SLC39A11: variants seen among roughly 807,000 people sequenced by gnomAD.
The protein encoded by SLC39A11 is zinc transporter ZIP11.
Under a neutral mutation model 36.1 loss-of-function variants are expected in SLC39A11, and 33 were observed. The ratio of observed to expected loss-of-function variants is 0.91; its 90% CI spans 0.69 to 1.22. The LOEUF is 1.22. SLC39A11 is among the 50% of genes most tolerant of loss of function. The pLI is 0.00. For synonymous variants in SLC39A11, 166 were observed against 170.3 expected (o/e 0.97, Z 0.20); for missense variants, 432 against 430.3 (o/e 1.00, Z -0.03).
At chr17:72,878,909 T>C (rs2081053316) in intron 5 of SLC39A11, among the ~76,000 whole-genome samples, 1 of 152,274 alleles carries the variant, frequency 6.6e-6, no homozygotes, top group African/African-American at 2.4e-5. Context: ...TGCTTCTGAC[T>C]GATCCACTAT....
At chr17:72,971,201 G>T (rs1055620132) in intron 4 of SLC39A11, among the ~76,000 whole-genome samples, 3 of 152,052 alleles carry the variant, frequency 2.0e-5, no homozygotes, top group African/African-American at 7.3e-5. Flanking sequence ...GATAGATTTG[G>T]GAACGGTTGA....
chr17:73,036,886 TCATCCCTCC>T (rs1312538732), intron 3 of SLC39A11, among the ~76,000 whole-genome samples: 1 of 152,216 alleles, frequency 6.6e-6, no homozygotes, highest in Non-Finnish European at 1.5e-5. Flanking sequence ...ACCTATTTAT[TCATCCCTCC>T]TTCCCCGCTA....
chr17:72,804,142 C>T (rs372820146), intron 6 of SLC39A11, among the ~76,000 whole-genome samples: 1 of 152,102 alleles, frequency 6.6e-6, no homozygotes, highest in East Asian at 1.9e-4. Context: ...ACTACAGGCG[C>T]CCGCCACCAC....
chr17:72,751,517 A>T (rs372495134), intron 6 of SLC39A11, among the ~76,000 whole-genome samples: 1 of 152,218 alleles, frequency 6.6e-6, no homozygotes. Flanking sequence ...TTTTAAGTGT[A>T]CATTCATTGG....
intron 6 of SLC39A11, among the ~76,000 whole-genome samples, chr17:72,773,680 C>CACAT (rs879349280): frequency 0.014 from 2,117 of 150,134 alleles, 91 homozygotes; most frequent in African/African-American, 0.05. Flanking sequence ...CACACACACC[C>CACAT]AGTATATAAA....
intron 4 of SLC39A11, among the ~76,000 whole-genome samples, chr17:73,020,658 TG>T (rs939675879): frequency 1.3e-5 from 2 of 149,332 alleles, no homozygotes; most frequent in African/African-American, 2.5e-5. Context: ...TTTGGGTTTT[TG>T]GGGGGTCTTT....
At chr17:72,998,732 C>T (rs1034619193) in intron 4 of SLC39A11, among the ~76,000 whole-genome samples, 3 of 152,200 alleles carry the variant, frequency 2.0e-5, no homozygotes, top group Non-Finnish European at 4.4e-5. Flanking sequence ...CTTTGGGGTA[C>T]ACCTTGCAGT....
chr17:72,873,343 A>G (rs908838815), intron 5 of SLC39A11, among the ~76,000 whole-genome samples: 1 of 152,166 alleles, frequency 6.6e-6, no homozygotes, highest in Non-Finnish European at 1.5e-5. Flanking sequence ...TTCATCCCTG[A>G]GCCAACTAAT....
In SLC39A11 at chr17:72,665,389, G is replaced by GTTTTTT. The variant is rs780329919; in HGVS notation, c.672-16127_672-16122dup. On this transcript the variant is annotated intron_variant, in intron 7 of 9. Coordinates refer to ENST00000255559, the MANE Select transcript of SLC39A11 (RefSeq NM_139177.4). ...GGTTTAAGCCACCAAGTTTTGAGGT[G>GTTTTTT]TTTTTTTTTTTTTTTTTTTTTGAGA... is the stretch of plus-strand genomic sequence containing the variant. Among the ~76,000 whole-genome samples the GTTTTTT allele has an allele frequency of 6.3e-3, 482 of 76,530 alleles. 55 individuals carry two copies. Among genetic ancestry groups the GTTTTTT allele is most frequent in the African/African-American group, 0.018 (341 of 18,788 alleles). The allele number at this position is 76,530 out of a possible 152,430, so 50.2% of individuals were successfully genotyped here. A position where few individuals can be genotyped will look rare whatever the true frequency, so the allele number is the denominator to read the frequency against.
At chr17:72,960,706 A>T (rs925454622) in intron 4 of SLC39A11, among the ~76,000 whole-genome samples, 1 of 152,094 alleles carries the variant, frequency 6.6e-6, no homozygotes. Flanking sequence ...GGTCCCAGCT[A>T]CTAGGGAGGC....
intron 7 of SLC39A11, among the ~76,000 whole-genome samples, chr17:72,682,167 T>G (rs1270446020): frequency 1.3e-5 from 2 of 150,318 alleles, no homozygotes; most frequent in Non-Finnish European, 2.9e-5. Context: ...GACGGTCTAG[T>G]TGCAGGAAAA....
chr17:72,781,256 T>C lies in SLC39A11; in HGVS notation c.602-44537A>G, dbSNP rs578134091. Among the ~76,000 whole-genome samples the C allele has an allele frequency of 2.6e-5, 4 of 152,292 alleles. No homozygotes were observed. The East Asian group carries it at 7.7e-4, about 29-fold the overall frequency. On this transcript the variant is annotated intron_variant, in intron 6 of 9. Coordinates refer to ENST00000255559, the MANE Select transcript of SLC39A11 (RefSeq NM_139177.4). ...TCCACGATCCTCTCAAACTCTCCTC[T>C]TCTGCTCCATTCCTTGCACGTCAAG...
At chr17:73,088,625 C>T in intron 2 of SLC39A11, 32 bp downstream of exon 2, 2 of 1,581,650 alleles carry the variant, frequency 1.3e-6, no homozygotes, top group Non-Finnish European at 1.7e-6. Flanking sequence ...GGGCTCCCCA[C>T]CAACATCCAG....
At chr17:72,742,971 GT>G (rs1568017044) in intron 6 of SLC39A11, among the ~76,000 whole-genome samples, 1 of 152,104 alleles carries the variant, frequency 6.6e-6, no homozygotes, top group African/African-American at 2.4e-5. Flanking sequence ...TTTTCAAAAT[GT>G]CCCCAAAATT....
Position 72,665,405 on chromosome 17 carries a change from T to TTTTTTTTTG in SLC39A11, c.672-16138_672-16137insCAAAAAAAA, listed in dbSNP as rs1555631683. ...TTTTGAGGTGTTTTTTTTTTTTTTT[T>TTTTTTTTTG]TTTTTGAGACAGGGTCTTGCTGTTG... is the stretch of plus-strand genomic sequence containing the variant. On this transcript the variant is annotated intron_variant, in intron 7 of 9. Transcript: ENST00000255559. Among the ~76,000 whole-genome samples, 2 of 144,234 alleles carry TTTTTTTTTG rather than the reference T, an allele frequency of 1.4e-5. 1 individual carries two copies. The highest frequency in any genetic ancestry group is 3.0e-5 in the Non-Finnish European group (2 of 65,852). The allele number at this position is 144,234 out of a possible 152,430, so 94.6% of individuals were successfully genotyped here.
At chr17:73,042,548 C>A (rs1277018683) in intron 3 of SLC39A11, among the ~76,000 whole-genome samples, 1 of 152,220 alleles carries the variant, frequency 6.6e-6, no homozygotes, top group Non-Finnish European at 1.5e-5. Context: ...CGCCTGTAAT[C>A]CCAGTACTTT....
At chr17:72,963,169 C>CTTTTTTTTTTTTTTTT (rs5821936) in intron 4 of SLC39A11, among the ~76,000 whole-genome samples, 3 of 114,552 alleles carry the variant, frequency 2.6e-5, no homozygotes, top group African/African-American at 3.5e-5. Flanking sequence ...TTTTTCCTTT[C>CTTTTTTTTTTTTTTTT]TTTTTTTTTT....
rs577440101 is a variant in SLC39A11, at chr17:72,928,776, T to C, written c.430+18976A>G. The stretch of plus-strand genomic sequence containing the variant: ...TAGAGGTGATACAAACAAAGGGAAG[T>C]GCGTGCCTCTGGGAACCGAGCAAGA... On this transcript the variant is annotated intron_variant, in intron 5 of 9. Transcript: ENST00000255559. Among the ~76,000 whole-genome samples the C allele has an allele frequency of 2.3e-4, 35 of 152,232 alleles. No homozygotes were observed. The South Asian group carries it at 6.8e-3, about 30-fold the overall frequency.
At position 72,668,500 on chromosome 17, in the gene SLC39A11, G is replaced by A. The variant is rs192619751; in HGVS notation, c.672-19232C>T. 1.3e-3 allele frequency among the ~76,000 whole-genome samples: 198 copies of A among 152,334 alleles called. 1 individual carries two copies. Among genetic ancestry groups the A allele is most frequent in the African/African-American group, 4.6e-3 (191 of 41,566 alleles). ...AAACTCTGTGTGCTGGTTTGTGCAA[G>A]AGGGACTATGAAGCTGGTTTTGACT... On this transcript the variant is annotated intron_variant, in intron 7 of 9. Transcript: ENST00000255559.
Sources: allele counts gnomAD v4.1 joint callset (sites outside exome capture counted in the v4.1 genomes callset), GRCh38; gene constraint gnomAD v4.1.1; transcripts MANE v1.5; gene names NCBI Gene and HGNC (gene_info 2026-07-23, HGNC 2026-07-21).